RUFY3: variants seen among roughly 807,000 people sequenced by gnomAD.
RUFY3 encodes RUN and FYVE domain containing 3, also known as protein RUFY3.
A neutral mutation model predicts 84.0 loss-of-function variants in RUFY3; 34 were observed. That is an observed-to-expected ratio of 0.40 (90% CI 0.31 to 0.54). The LOEUF is 0.54. RUFY3 is among the 20% of genes least tolerant of loss of function. The pLI is 0.39. For missense variants in RUFY3, 507 were observed against 736.8 expected (o/e 0.69, Z 3.61); for synonymous variants, 242 against 252.9 (o/e 0.96, Z 0.41).
intron 1 of RUFY3, among the ~76,000 whole-genome samples, chr4:70,752,069 C>CCG (rs1241586541): frequency 6.6e-6 from 1 of 152,164 alleles, no homozygotes; most frequent in African/African-American, 2.4e-5. Flanking sequence ...ACGTGAGATA[C>CCG]CGCGCCCAGC....
intron 7 of RUFY3, among the ~76,000 whole-genome samples, chr4:70,777,953 C>G (rs934358646): frequency 6.6e-5 from 10 of 152,172 alleles, no homozygotes; most frequent in Admixed American, 6.5e-4. Flanking sequence ...GCATTAAGGC[C>G]TGGCGCAGTG....
At chr4:70,705,711 G>C (rs1251752626) in intron 1 of RUFY3, among the ~76,000 whole-genome samples, 1 of 152,178 alleles carries the variant, frequency 6.6e-6, no homozygotes, top group Non-Finnish European at 1.5e-5. Flanking sequence ...AGGGGGCGGC[G>C]CCCGGAGACC....
intron 1 of RUFY3, among the ~76,000 whole-genome samples, chr4:70,740,216 A>G (rs1452923953): frequency 1.3e-5 from 2 of 152,200 alleles, no homozygotes; most frequent in Non-Finnish European, 2.9e-5. Context: ...AGTGGAGAAC[A>G]GCTTTACATG....
chr4:70,730,572 C>CAAAAAAAAAAAAAAAAAAA (rs796173421), intron 1 of RUFY3, among the ~76,000 whole-genome samples: 1 of 106,550 alleles, frequency 9.4e-6, no homozygotes, highest in African/African-American at 3.5e-5. Context: ...ACTAAAAATA[C>CAAAAAAAAAAAAAAAAAAA]AAAAAAAAAA....
At chr4:70,784,593 T>A (rs574650184) in intron 9 of RUFY3, among the ~76,000 whole-genome samples, 1 of 152,352 alleles carries the variant, frequency 6.6e-6, no homozygotes, top group African/African-American at 2.4e-5. Context: ...GAAACCTATT[T>A]TAGGATTTTA....
intron 12 of RUFY3, 148 bp downstream of exon 12, chr4:70,789,740 A>G (rs1351529781): frequency 3.8e-6 from 5 of 1,328,882 alleles, no homozygotes; most frequent in African/African-American, 1.5e-5. Context: ...GTTGAATGTT[A>G]TGTGTGTTTT....
intron 4 of RUFY3, among the ~76,000 whole-genome samples, 154 bp downstream of exon 4, chr4:70,764,730 C>T (rs927794946): frequency 2.0e-5 from 3 of 152,168 alleles, no homozygotes; most frequent in African/African-American, 4.8e-5. Flanking sequence ...ACATATCCTC[C>T]CAAATGGATG....
chr4:70,758,062 C>G (rs1724336422), intron 1 of RUFY3, among the ~76,000 whole-genome samples: 1 of 152,036 alleles, frequency 6.6e-6, no homozygotes, highest in East Asian at 1.9e-4. Context: ...GTACAAAATA[C>G]ACAGAAAAGA....
chr4:70,795,587 G>A (rs1560570638), intron 14 of RUFY3, among the ~76,000 whole-genome samples: 1 of 152,100 alleles, frequency 6.6e-6, no homozygotes, highest in Non-Finnish European at 1.5e-5. Flanking sequence ...CCTTCTGTGT[G>A]TACATATTAT....
At chr4:70,704,921 G>A in exon 1 of RUFY3, 2 of 1,210,172 alleles carry the variant, frequency 1.7e-6, no homozygotes, top group Non-Finnish European at 2.1e-6. Context: ...AGGCTGCGGC[G>A]AAGGAAGGAG....
intron 8 of RUFY3, among the ~76,000 whole-genome samples, chr4:70,780,520 C>T (rs564199715): frequency 6.6e-6 from 1 of 152,154 alleles, no homozygotes; most frequent in South Asian, 2.1e-4. Flanking sequence ...CTTGAGCTCC[C>T]GGCCTCAGGT....
At chr4:70,782,426 A>G (rs1374388125) in intron 8 of RUFY3, among the ~76,000 whole-genome samples, 1 of 151,258 alleles carries the variant, frequency 6.6e-6, no homozygotes, top group Non-Finnish European at 1.5e-5. Flanking sequence ...CTGGGATTAC[A>G]GGCACACACC....
At chr4:70,783,024 C>G (rs772121787) in intron 8 of RUFY3, 67 bp from the exon 9 acceptor site, 5 of 913,058 alleles carry the variant, frequency 5.5e-6, no homozygotes, top group Non-Finnish European at 8.4e-6. Flanking sequence ...CCTAGCAGAT[C>G]GTGAATTATC....
intron 1 of RUFY3, among the ~76,000 whole-genome samples, chr4:70,745,369 C>T (rs1722033043): frequency 1.3e-5 from 2 of 152,172 alleles, no homozygotes. Context: ...TATTGCATCT[C>T]CTTTCCTTAT....
Position 70,789,584 on chromosome 4 carries a change from T to A in RUFY3, c.1329T>A (p.Leu443=). The part of the protein sequence containing the change: ...TNQMAATIKQ[L]EQRLRQAERS... ...AGATGGCTGCTACCATTAAACAACT[T>A]GAACAAAGGTAAAAGTCCTGTTTCT... Residue 443 remains leucine, a synonymous_variant, in exon 12 of 18, where the codon CTT becomes CTA. Coordinates refer to ENST00000381006, the MANE Select transcript of RUFY3 (RefSeq NM_001037442.4). 1 of 1,612,154 alleles carries A rather than the reference T, an allele frequency of 6.2e-7. No individual in the cohort carries two copies. Among genetic ancestry groups the A allele is most frequent in the Non-Finnish European group, 8.5e-7 (1 of 1,178,998 alleles).
intron 1 of RUFY3, among the ~76,000 whole-genome samples, chr4:70,713,144 C>A (rs1171748763): frequency 1.3e-5 from 2 of 152,194 alleles, no homozygotes; most frequent in African/African-American, 2.4e-5. Context: ...CTGCCTCAGT[C>A]TCCTGAGTAG....
chr4:70,777,672 A>G (rs1728184208), intron 7 of RUFY3, among the ~76,000 whole-genome samples: 1 of 152,212 alleles, frequency 6.6e-6, no homozygotes. Flanking sequence ...TACTCTTTCT[A>G]TGCCTTAGTT....
At chr4:70,804,603 T>C (rs1459288934) in intron 17 of RUFY3, among the ~76,000 whole-genome samples, 187 bp downstream of exon 17, 1 of 151,928 alleles carries the variant, frequency 6.6e-6, no homozygotes, top group African/African-American at 2.4e-5. Flanking sequence ...TAATAATTCA[T>C]GTCAGAAAAT....
chr4:70,783,676 A>G (rs1406790705), intron 9 of RUFY3, among the ~76,000 whole-genome samples: 1 of 152,216 alleles, frequency 6.6e-6, no homozygotes, highest in Admixed American at 6.5e-5. Context: ...CTTCTTAATT[A>G]AGGACATAAT....
Sources: gnomAD v4.1 joint callset for allele counts (sites outside exome capture counted in the v4.1 genomes callset) on GRCh38, gnomAD v4.1.1 for gene constraint, MANE v1.5 for transcripts, NCBI Gene and HGNC (gene_info 2026-07-23, HGNC 2026-07-21) for gene names.